Variants in CYB5A observed in about 807,000 individuals in gnomAD.
CYB5A encodes the protein cytochrome b5.
A neutral mutation model predicts 16.2 loss-of-function variants in CYB5A; 10 were observed. The observed-to-expected ratio is 0.62, with a 90% confidence interval of 0.38 to 1.04. The LOEUF (loss-of-function observed/expected upper bound fraction) is 1.04, where lower values mean the gene tolerates loss of function less well. Among genes scored for constraint, CYB5A ranks in the 50% least tolerant of loss-of-function variants. CYB5A has a pLI of 0.01. For synonymous variants in CYB5A, 62 were observed against 57.0 expected (o/e 1.09, Z -0.40); for missense variants, 161 against 165.9 (o/e 0.97, Z 0.16).
At position 74,263,418 on chromosome 18, in the gene CYB5A, A is replaced by G. The variant is rs1205341497; in HGVS notation, c.189T>C (p.Phe63=). 1 of 1,614,006 alleles carries G rather than the reference A, an allele frequency of 6.2e-7. No individual in the cohort carries two copies. Among genetic ancestry groups the G allele is most frequent in the Admixed American group, 1.7e-5 (1 of 59,988 alleles). Residue 63 remains phenylalanine (F), a synonymous_variant, in exon 2 of 5, where the codon TTT becomes TTC. Coordinates refer to ENST00000340533, the MANE Select transcript of CYB5A (RefSeq NM_148923.4). ...CATCTGTAGAGTGCCCGACATCCTCAAAGTTCTCAGTAGCGTCACCTCCAG... is the reference window on the plus strand; with the variant it reads ...CATCTGTAGAGTGCCCGACATCCTCGAAGTTCTCAGTAGCGTCACCTCCAG... ...EQAGGDATEN[F]EDVGHSTDAR...
intron 1 of CYB5A, among the ~76,000 whole-genome samples, chr18:74,290,562 A>G (rs1983494336): frequency 6.6e-6 from 1 of 152,154 alleles, no homozygotes; most frequent in Admixed American, 6.5e-5. Context: ...ATTTTTTAAA[A>G]CAGGCCTTTT....
chr18:74,291,931 C>A lies in CYB5A; in HGVS notation c.-56G>T. 2 of 1,603,728 alleles carry A rather than the reference C, an allele frequency of 1.2e-6. No individual in the cohort carries two copies. The highest frequency in any genetic ancestry group is 1.1e-5 in the South Asian group (1 of 90,972). ...CACAGCCCCGTCGGGTGGAGCAGAG[C>A]GCGCGACTCAGCCAGCTCCACCCGG... On this transcript the variant is annotated 5_prime_UTR_variant, in exon 1 of 5. Coordinates refer to ENST00000340533, the MANE Select transcript of CYB5A (RefSeq NM_148923.4).
intron 2 of CYB5A, among the ~76,000 whole-genome samples, 165 bp downstream of exon 2, chr18:74,263,184 A>T (rs1455502963): frequency 6.6e-6 from 1 of 151,710 alleles, no homozygotes; most frequent in Non-Finnish European, 1.5e-5. Flanking sequence ...AAATGCAAAG[A>T]CATTTTTGGT....
At chr18:74,266,751 A>T (rs777794313) in intron 1 of CYB5A, among the ~76,000 whole-genome samples, 2 of 5,008 alleles carry the variant, frequency 4.0e-4, no homozygotes, top group African/African-American at 8.7e-4. Context: ...ATTTTCTAAC[A>T]AAAAAAAAAA....
chr18:74,279,539 T>C (rs537987645), intron 1 of CYB5A, among the ~76,000 whole-genome samples: 1 of 150,460 alleles, frequency 6.6e-6, no homozygotes, highest in Non-Finnish European at 1.5e-5. Flanking sequence ...CAAAAATAAA[T>C]AAATAATAAA....
chr18:74,291,888 C>A lies in CYB5A; in HGVS notation c.-13G>T. On this transcript the variant is annotated 5_prime_UTR_variant, in exon 1 of 5. Transcript: ENST00000340533. ...ACTGCTCTGCCATCTCGGTTCGCCG[C>A]GAGCCAGGCCCAGCACACACAGCCC... The A allele has an allele frequency of 6.2e-7, 1 of 1,609,858 alleles. No individual in the cohort carries two copies. Among genetic ancestry groups the A allele is most frequent in the Non-Finnish European group, 8.5e-7 (1 of 1,179,798 alleles).
At chr18:74,263,087 G>T (rs1982274207) in intron 2 of CYB5A, among the ~76,000 whole-genome samples, 1 of 150,304 alleles carries the variant, frequency 6.7e-6, no homozygotes, top group Admixed American at 6.7e-5. Context: ...GGTTGAGGCT[G>T]CAGGGAGCCA....
intron 1 of CYB5A, among the ~76,000 whole-genome samples, chr18:74,279,963 G>A (rs1354468522): frequency 6.6e-6 from 1 of 152,154 alleles, no homozygotes; most frequent in Non-Finnish European, 1.5e-5. Context: ...CTAGTGGAAG[G>A]ACACAGAGAA....
At chr18:74,264,744 T>C (rs1394279960) in intron 1 of CYB5A, among the ~76,000 whole-genome samples, 5 of 152,208 alleles carry the variant, frequency 3.3e-5, no homozygotes, top group Non-Finnish European at 5.9e-5. Flanking sequence ...AAAAGAGTTT[T>C]AGTGCTTTCA....
chr18:74,285,022 C>A (rs1983265747), intron 1 of CYB5A, among the ~76,000 whole-genome samples: 1 of 152,196 alleles, frequency 6.6e-6, no homozygotes, highest in South Asian at 2.1e-4. Context: ...ACTATATACA[C>A]TCAAGACTAT....
At chr18:74,281,404 C>T (rs1186607589) in intron 1 of CYB5A, among the ~76,000 whole-genome samples, 1 of 152,170 alleles carries the variant, frequency 6.6e-6, no homozygotes, top group African/African-American at 2.4e-5. Context: ...CGGAAAAGCC[C>T]AGGCCCCAGG....
chr18:74,261,209 C>A (rs1221470319), intron 2 of CYB5A: 8 of 431,592 alleles, frequency 1.9e-5, no homozygotes, highest in Non-Finnish European at 3.5e-5. Flanking sequence ...CTGATGTGCA[C>A]ACACATTTAT....
chr18:74,260,963 G>C lies in CYB5A; in HGVS notation c.259-19C>G, dbSNP rs11877813. The C allele has an allele frequency of 2.6e-4, 421 of 1,605,040 alleles. 1 individual carries two copies. The African/African-American group carries it at 4.6e-3, about 18-fold the overall frequency. On this transcript the variant is annotated intron_variant, in intron 2 of 4. Transcript: ENST00000340533. ...TGTCATCCTGCAATGAAAAGATAAGGCACATTATGGAATTTAAAAATCTAT... is the reference window on the plus strand; with the variant it reads ...TGTCATCCTGCAATGAAAAGATAAGCCACATTATGGAATTTAAAAATCTAT...
chr18:74,268,288 G>A (rs1982528681), intron 1 of CYB5A, among the ~76,000 whole-genome samples: 1 of 152,202 alleles, frequency 6.6e-6, no homozygotes, highest in South Asian at 2.1e-4. Context: ...GACGGGCCCT[G>A]CTGAGCTGTA....
rs1160673614 is a variant in CYB5A at position 74,251,618 on chromosome 18, A to G, written c.*1966T>C. The stretch of plus-strand genomic sequence containing the variant: ...GATGTTTTCCTTTCACAAGCAGCAG[A>G]TGAAAAGAAAGGGCAGCCTCTGAAG... On this transcript the variant is annotated 3_prime_UTR_variant, in exon 5 of 5. Coordinates refer to ENST00000340533, the MANE Select transcript of CYB5A (RefSeq NM_148923.4). 2.0e-5 allele frequency: 3 copies of G among 152,178 alleles called. No homozygotes were observed. Among genetic ancestry groups the G allele is most frequent in the African/African-American group, 7.2e-5 (3 of 41,446 alleles). The allele number at this position is 152,178 out of a possible 1,614,324, so 9.4% of individuals were successfully genotyped here. A position where few individuals can be genotyped will look rare whatever the true frequency, so the allele number is the denominator to read the frequency against.
chr18:74,291,296 G>A (rs886328065), intron 1 of CYB5A, among the ~76,000 whole-genome samples: 2 of 152,266 alleles, frequency 1.3e-5, no homozygotes, highest in African/African-American at 4.8e-5. Context: ...CGCTATCCCC[G>A]GAAGGCTGCT....
chr18:74,273,216 G>A (rs1474018301), intron 1 of CYB5A, among the ~76,000 whole-genome samples: 1 of 152,200 alleles, frequency 6.6e-6, no homozygotes, highest in African/African-American at 2.4e-5. Flanking sequence ...AAGGGAAGAA[G>A]CCCCTGTGTG....
At chr18:74,284,527 C>T (rs900379623) in intron 1 of CYB5A, among the ~76,000 whole-genome samples, 2 of 152,178 alleles carry the variant, frequency 1.3e-5, no homozygotes, top group Non-Finnish European at 2.9e-5. Context: ...ATTCTGGACA[C>T]AGCTGCACAA....
At position 74,279,868 on chromosome 18, in the gene CYB5A, C is replaced by T. The variant is rs115878424; in HGVS notation, c.129+11879G>A. Among the ~76,000 whole-genome samples the T allele has an allele frequency of 4.3e-3, 654 of 152,210 alleles. 5 individuals carry two copies. Among genetic ancestry groups the T allele is most frequent in the African/African-American group, 0.015 (620 of 41,528 alleles). ...TCAATCAATAAATAACTATTTAGTC[C>T]TTTCTATGTGCCAGCATTGTTCTAA... On this transcript the variant is annotated intron_variant, in intron 1 of 4. Transcript: ENST00000340533.
Sources: gnomAD v4.1 joint callset for allele counts (sites outside exome capture counted in the v4.1 genomes callset) on GRCh38, gnomAD v4.1.1 for gene constraint, MANE v1.5 for transcripts, NCBI Gene and HGNC (gene_info 2026-07-23, HGNC 2026-07-21) for gene names.